The following TCF12 variants were observed in gnomAD, a reference collection of about 807,000 sequenced individuals.
The protein encoded by TCF12 is DNA-binding protein HTF4.
Under a neutral mutation model 86.0 loss-of-function variants are expected in TCF12, and 45 were observed. That is an observed-to-expected ratio of 0.52 (90% CI 0.41 to 0.67). The LOEUF is 0.67. Ranked by LOEUF, TCF12 falls within the 30% of genes least tolerant of loss-of-function variation. The pLI is 0.00. For synonymous variants in TCF12, 330 were observed against 299.6 expected (o/e 1.10, Z -1.05); for missense variants, 881 against 859.9 (o/e 1.02, Z -0.31).
rs1209362380 is a variant in TCF12 at position 57,243,554 on chromosome 15, G to A, written c.1114+4G>A. 1 of 1,612,258 alleles carries A rather than the reference G, an allele frequency of 6.2e-7. No individual in the cohort carries two copies. Among genetic ancestry groups the A allele is most frequent in the South Asian group, 1.1e-5 (1 of 90,992 alleles). ...GGATCACCTTCACCTCTCACAGGTA[G>A]GCTTCTGTTTTATCTACTTCTAACT... On this transcript the variant is annotated splice_donor_region_variant and intron_variant, in intron 13 of 20. Coordinates refer to ENST00000333725, the MANE Select transcript of TCF12 (RefSeq NM_207037.2).
rs555095304 is a variant in TCF12 at position 57,002,250 on chromosome 15, C to T, written c.149-61500C>T. Among the ~76,000 whole-genome samples, 10 of 152,192 alleles carry T rather than the reference C, an allele frequency of 6.6e-5. No individual in the cohort carries two copies. The South Asian group carries it at 1.7e-3, about 25-fold the overall frequency. ...GTTGTTGGGGGTATAGTTACCTGTT[C>T]CACATGCCCCATGAGAAAACAAACA... is the stretch of plus-strand genomic sequence containing the variant. On this transcript the variant is annotated intron_variant, in intron 3 of 20. Coordinates refer to ENST00000333725, the MANE Select transcript of TCF12 (RefSeq NM_207037.2).
At chr15:57,013,270 G>A (rs1315996374) in intron 3 of TCF12, among the ~76,000 whole-genome samples, 1 of 152,112 alleles carries the variant, frequency 6.6e-6, no homozygotes, top group Non-Finnish European at 1.5e-5. Context: ...ATAGAATTTT[G>A]CAGTAAGAAA....
chr15:57,202,372 A>G (rs1375654711), intron 8 of TCF12, among the ~76,000 whole-genome samples: 1 of 151,642 alleles, frequency 6.6e-6, no homozygotes. Context: ...TTAAGGACCT[A>G]CAGTAGTAGA....
At chr15:56,978,110 G>T (rs1456498826) in intron 3 of TCF12, among the ~76,000 whole-genome samples, 1 of 152,194 alleles carries the variant, frequency 6.6e-6, no homozygotes, top group Non-Finnish European at 1.5e-5. Flanking sequence ...GTCTGTTAGA[G>T]AATCATTTGG....
chr15:57,068,329 C>G (rs1298984940), intron 4 of TCF12, among the ~76,000 whole-genome samples: 1 of 152,116 alleles, frequency 6.6e-6, no homozygotes, highest in Non-Finnish European at 1.5e-5. Flanking sequence ...TCAAAATTCA[C>G]CCATTAGATC....
At chr15:56,982,122 T>G (rs776734910) in intron 3 of TCF12, among the ~76,000 whole-genome samples, 1 of 152,190 alleles carries the variant, frequency 6.6e-6, no homozygotes, top group African/African-American at 2.4e-5. Flanking sequence ...CATTTAACAT[T>G]TATTGACTGT....
chr15:57,232,895 T>A (rs761844205), intron 11 of TCF12, 39 bp downstream of exon 11: 1 of 1,487,258 alleles, frequency 6.7e-7, no homozygotes, highest in Non-Finnish European at 9.0e-7. Flanking sequence ...TAAAAGTTTG[T>A]GGACTTTCAG....
At chr15:57,222,070 A>T (rs12901671) in intron 8 of TCF12, among the ~76,000 whole-genome samples, 14 of 151,746 alleles carry the variant, frequency 9.2e-5, no homozygotes, top group Non-Finnish European at 1.8e-4. Context: ...CATTTTATAG[A>T]TTTATTTTAA....
At position 57,278,779 on chromosome 15, in the gene TCF12, C is replaced by T. The variant is rs1304826803; in HGVS notation, c.1979-3666C>T. The T allele has an allele frequency of 2.1e-5, 3 of 142,606 alleles. No homozygotes were observed. The East Asian group carries it at 6.5e-4, about 31-fold the overall frequency. 8.8% of individuals were successfully genotyped at this position (142,606 alleles called of 1,614,324 possible). The stretch of plus-strand genomic sequence containing the variant: ...TCTCCCTCTCTCTCCCTACCTCTCT[C>T]TCCCTCCCTCTCTCTCTCCGTCCCT... On this transcript the variant is annotated intron_variant, in intron 19 of 20. Coordinates refer to ENST00000333725, the MANE Select transcript of TCF12 (RefSeq NM_207037.2).
chr15:56,979,797 G>A (rs1028216152), intron 3 of TCF12, among the ~76,000 whole-genome samples: 4 of 152,170 alleles, frequency 2.6e-5, no homozygotes, highest in Admixed American at 2.0e-4. Context: ...CTATCTAAAT[G>A]TTGTGAATTC....
chr15:57,101,904 C>A (rs1490966958), intron 5 of TCF12, among the ~76,000 whole-genome samples: 1 of 152,168 alleles, frequency 6.6e-6, no homozygotes, highest in East Asian at 1.9e-4. Context: ...TTATTAGTTT[C>A]TCTTACATAC....
At chr15:56,963,173 G>A (rs920421874) in intron 3 of TCF12, among the ~76,000 whole-genome samples, 23 of 150,700 alleles carry the variant, frequency 1.5e-4, no homozygotes, top group Admixed American at 2.6e-4. Context: ...TTTTATTGTC[G>A]TGGTATTTTG....
chr15:56,979,334 T>C lies in TCF12; in HGVS notation c.148+58236T>C, dbSNP rs1421331479. Among the ~76,000 whole-genome samples, 7 of 152,216 alleles carry C rather than the reference T, an allele frequency of 4.6e-5. No homozygotes were observed. The East Asian group carries it at 1.3e-3, about 29-fold the overall frequency. Reference sequence around the variant, plus strand: ...TTACTTTTCATCTTTTCATTGACTTTATTTAAAATATCTCTCCCATTGACT... The same window carrying C: ...TTACTTTTCATCTTTTCATTGACTTCATTTAAAATATCTCTCCCATTGACT... On this transcript the variant is annotated intron_variant, in intron 3 of 20. Coordinates refer to ENST00000333725, the MANE Select transcript of TCF12 (RefSeq NM_207037.2).
At chr15:57,163,211 A>T (rs1020507258) in intron 5 of TCF12, among the ~76,000 whole-genome samples, 3 of 151,276 alleles carry the variant, frequency 2.0e-5, no homozygotes, top group African/African-American at 4.9e-5. Flanking sequence ...TTCACTAATT[A>T]AAAAAACTCT....
chr15:57,212,905 C>T (rs1441766135), intron 8 of TCF12, among the ~76,000 whole-genome samples: 1 of 152,144 alleles, frequency 6.6e-6, no homozygotes, highest in Non-Finnish European at 1.5e-5. Context: ...GATATAACTC[C>T]ACAGTTTTCT....
chr15:57,212,893 A>C (rs1364629456), intron 8 of TCF12, among the ~76,000 whole-genome samples: 1 of 152,190 alleles, frequency 6.6e-6, no homozygotes. Context: ...TTCGCGTTAC[A>C]TGATATAACT....
intron 9 of TCF12, 149 bp from the exon 10 acceptor site, chr15:57,232,142 A>G (rs954955793): frequency 1.4e-6 from 1 of 717,558 alleles, no homozygotes; most frequent in Non-Finnish European, 2.2e-6. Context: ...GTAATTTTAC[A>G]GTTTAGAGGG....
At chr15:57,181,519 T>G (rs1286642302) in intron 6 of TCF12, among the ~76,000 whole-genome samples, 1 of 151,088 alleles carries the variant, frequency 6.6e-6, no homozygotes, top group African/African-American at 2.4e-5. Context: ...ATATTTAGAG[T>G]ACCTTCTAAT....
intron 5 of TCF12, among the ~76,000 whole-genome samples, chr15:57,158,184 G>GTT (rs374179677): frequency 0.36 from 48,752 of 133,588 alleles, 11,739 homozygotes; most frequent in Non-Finnish European, 0.51. Context: ...TCAGAAAGTC[G>GTT]TTTCTTTTTT....
Sources: allele counts gnomAD v4.1 joint callset (sites outside exome capture counted in the v4.1 genomes callset), GRCh38; gene constraint gnomAD v4.1.1; transcripts MANE v1.5; gene names NCBI Gene and HGNC (gene_info 2026-07-23, HGNC 2026-07-21).